Variants in SCN2B observed in about 807,000 individuals in gnomAD.
SCN2B encodes the protein sodium voltage-gated channel beta subunit 2.
In SCN2B, 14 loss-of-function variants were observed where a neutral mutation model predicts 18.2. That is an observed-to-expected ratio of 0.77 (90% CI 0.51 to 1.21). SCN2B has a LOEUF of 1.21. SCN2B is among the 50% of genes most tolerant of loss of function. The probability of loss-of-function intolerance (pLI) is 0.00; values close to 1 mark genes in which losing one functional copy is unlikely to be tolerated. For missense variants in SCN2B, 262 were observed against 286.9 expected, an observed-to-expected ratio of 0.91 and a Z score of 0.63; for synonymous variants, 115 against 115.3, an observed-to-expected ratio of 1.00 and a Z score of 0.02.
At chr11:118,175,162 G>C (rs1269031708) in intron 1 of SCN2B, among the ~76,000 whole-genome samples, 2 of 152,216 alleles carry the variant, frequency 1.3e-5, no homozygotes, top group African/African-American at 2.4e-5. Flanking sequence ...GTTAGCCATC[G>C]TTGAGTTCCT....
At chr11:118,170,761 G>A (rs539560288) in intron 1 of SCN2B, among the ~76,000 whole-genome samples, 2 of 152,154 alleles carry the variant, frequency 1.3e-5, no homozygotes, top group African/African-American at 2.4e-5. Context: ...GGGTTGTTTC[G>A]ATAATGAAAA....
In SCN2B at chr11:118,167,047, C is replaced by A; in HGVS notation, c.488G>T (p.Gly163Val). ...AGCCAGGAAGCCCCCGACGGAGGCA[C>A]CCACAATCACGGCCACCGTGGAGTC... is the stretch of plus-strand genomic sequence containing the variant. ...ERDSTVAVIV[G>V]ASVGGFLAVV... The change falls in exon 4 of 4, where the codon GGT becomes GTT. Residue 163 changes from glycine to valine, a missense_variant. Coordinates refer to ENST00000278947, the MANE Select transcript of SCN2B (RefSeq NM_004588.5). 2 of 1,613,502 alleles carry A rather than the reference C, an allele frequency of 1.2e-6. No homozygotes were observed. Among genetic ancestry groups the A allele is most frequent in the Non-Finnish European group, 1.7e-6 (2 of 1,180,042 alleles).
intron 1 of SCN2B, among the ~76,000 whole-genome samples, chr11:118,171,092 A>C: frequency 6.6e-6 from 1 of 152,150 alleles, no homozygotes; most frequent in East Asian, 1.9e-4. Context: ...GGCAGGACTT[A>C]AGAACCAGAG....
Position 118,168,173 on chromosome 11 carries a change from C to T in SCN2B, c.360G>A (p.Glu120=), listed in dbSNP as rs752036741. The T allele has an allele frequency of 1.2e-6, 2 of 1,614,208 alleles. No homozygotes were observed. The highest frequency in any genetic ancestry group is 1.7e-6 in the Non-Finnish European group (2 of 1,180,026). Residue 120 remains glutamate (E), a synonymous_variant, in exon 3 of 4, where the codon GAG becomes GAA. Transcript: ENST00000278947. The surrounding 1 kb of genome is among the most constrained non-coding windows in gnomAD (Gnocchi z 4.7). Reference sequence around the variant, plus strand: ...TGTAGCAGTTGTAAATCCCCTCATCCTCCGGCTGCACGTTTCTCAGCATCA... The same window carrying T: ...TGTAGCAGTTGTAAATCCCCTCATCTTCCGGCTGCACGTTTCTCAGCATCA... ...VSVMLRNVQP[E]DEGIYNCYIM...
intron 3 of SCN2B, among the ~76,000 whole-genome samples, 159 bp from the exon 4 acceptor site, chr11:118,167,245 C>A (rs772069996): frequency 6.6e-6 from 1 of 152,200 alleles, no homozygotes; most frequent in Non-Finnish European, 1.5e-5. Flanking sequence ...GACCCTGAAG[C>A]GCCGCCACCT....
rs1465467293 is a variant in SCN2B, at chr11:118,165,373, T to G, written c.*1514A>C. On this transcript the variant is annotated 3_prime_UTR_variant, in exon 4 of 4. Coordinates refer to ENST00000278947, the MANE Select transcript of SCN2B (RefSeq NM_004588.5). ...TCCAAGGTCATGGTCTCAGAGTCAG[T>G]GTTTCTGCCTCTTGCTCCTTCTCTC... 2 of 152,544 alleles carry G rather than the reference T, an allele frequency of 1.3e-5. No individual in the cohort carries two copies. The highest frequency in any genetic ancestry group is 4.8e-5 in the African/African-American group (2 of 41,418). The allele number at this position is 152,544 out of a possible 1,614,324, so 9.4% of individuals were successfully genotyped here.
Position 118,168,211 on chromosome 11 carries a change from A to G in SCN2B, c.322T>C (p.Tyr108His). ...TTTCTCAGCATCACCGACACATCGT[A>G]CTTGCTGGGGTTCCCTGAGAACTCC... is the stretch of plus-strand genomic sequence containing the variant. Reference protein sequence around the residue: ...RVEFSGNPSKYDVSVMLRNVQ... With the variant: ...RVEFSGNPSKHDVSVMLRNVQ... The change falls in exon 3 of 4, where the codon TAC (tyrosine) becomes CAC (histidine). Residue 108 changes from tyrosine (Y) to histidine (H), a missense_variant. Transcript: ENST00000278947. This position sits in a 1 kb window ranked among gnomAD's most constrained non-coding sequence, Gnocchi z 4.7. 1.9e-6 allele frequency: 3 copies of G among 1,614,138 alleles called. No homozygotes were observed. Among genetic ancestry groups the G allele is most frequent in the Non-Finnish European group, 2.5e-6 (3 of 1,180,010 alleles).
Position 118,163,527 on chromosome 11 carries a change from G to A in SCN2B, c.*3360C>T, listed in dbSNP as rs1385435532. 4 of 152,620 alleles carry A rather than the reference G, an allele frequency of 2.6e-5. No homozygotes were observed. Among genetic ancestry groups the A allele is most frequent in the Non-Finnish European group, 4.4e-5 (3 of 68,044 alleles). The allele number at this position is 152,620 out of a possible 1,614,324, so 9.5% of individuals were successfully genotyped here. A position where few individuals can be genotyped will look rare whatever the true frequency, so the allele number is the denominator to read the frequency against. ...TAGGGGGCAGATAGCTATTTCCAAAGCCAGTTCCAAGGCACCTCAAAGCAG... is the reference window on the plus strand; with the variant it reads ...TAGGGGGCAGATAGCTATTTCCAAAACCAGTTCCAAGGCACCTCAAAGCAG... On this transcript the variant is annotated 3_prime_UTR_variant, in exon 4 of 4. Coordinates refer to ENST00000278947, the MANE Select transcript of SCN2B (RefSeq NM_004588.5).
intron 3 of SCN2B, 38 bp from the exon 4 acceptor site, chr11:118,167,124 G>C: frequency 6.3e-7 from 1 of 1,594,420 alleles, no homozygotes; most frequent in Non-Finnish European, 8.5e-7. Context: ...CCAGGGCTGG[G>C]AAAGGGGCCT....
rs1565464870 is a variant in SCN2B at position 118,174,104 on chromosome 11, T to TTTTG, written c.70+2257_70+2258insCAAA. On this transcript the variant is annotated intron_variant, in intron 1 of 3. Coordinates refer to ENST00000278947, the MANE Select transcript of SCN2B (RefSeq NM_004588.5). The stretch of plus-strand genomic sequence containing the variant: ...TATTTTTCTTTTCTTTTTTTTTTTT[T>TTTTG]TTTTTTTTTTTTTTTTGTAGAGACA... 1.5e-3 allele frequency among the ~76,000 whole-genome samples: 194 copies of TTTTG among 128,148 alleles called. 1 individual carries two copies. In the East Asian group the frequency reaches 0.029, roughly 19 times the overall value. The allele number at this position is 128,148 out of a possible 152,430, so 84.1% of individuals were successfully genotyped here. A position where few individuals can be genotyped will look rare whatever the true frequency, so the allele number is the denominator to read the frequency against.
rs1948403293 is a variant in SCN2B at position 118,168,362 on chromosome 11, GC to G, written c.238-68del. 1 of 1,443,508 alleles carries G rather than the reference GC, an allele frequency of 6.9e-7. No individual in the cohort carries two copies. Among genetic ancestry groups the G allele is most frequent in the Admixed American group, 1.7e-5 (1 of 59,562 alleles). 89.4% of individuals were successfully genotyped at this position (1,443,508 alleles called of 1,614,324 possible). ...AAGGAACTACAAGGACAGTGAGGAT[GC>G]CCCCTCTTCCCATCCACCCTTTTCC... is the stretch of plus-strand genomic sequence containing the variant. On this transcript the variant is annotated intron_variant, in intron 2 of 3. Transcript: ENST00000278947. The surrounding 1 kb of genome is among the most constrained non-coding windows in gnomAD (Gnocchi z 4.7).
Position 118,168,479 on chromosome 11 carries a change from T to A in SCN2B, c.237+106A>T. On this transcript the variant is annotated intron_variant, in intron 2 of 3. Transcript: ENST00000278947. This position sits in a 1 kb window ranked among gnomAD's most constrained non-coding sequence, Gnocchi z 4.7. ...TCCAGAGCACGCAGCCCACCCAGGG[T>A]CCTCTGGGGCCCTAGCGCAGTGCCG... is the stretch of plus-strand genomic sequence containing the variant. 1 of 1,483,254 alleles carries A rather than the reference T, an allele frequency of 6.7e-7. No individual in the cohort carries two copies. The highest frequency in any genetic ancestry group is 9.4e-7 in the Non-Finnish European group (1 of 1,062,748). 91.9% of individuals were successfully genotyped at this position (1,483,254 alleles called of 1,614,324 possible). A position where few individuals can be genotyped will look rare whatever the true frequency, so the allele number is the denominator to read the frequency against.
At chr11:118,170,599 G>C (rs189635156) in intron 1 of SCN2B, among the ~76,000 whole-genome samples, 115 of 152,222 alleles carry the variant, frequency 7.6e-4, no homozygotes, top group Admixed American at 1.6e-3. Context: ...CTGCTGGGAG[G>C]CTGTCCAGAT....
chr11:118,174,896 C>T (rs2134622470), intron 1 of SCN2B, among the ~76,000 whole-genome samples: 1 of 152,310 alleles, frequency 6.6e-6, no homozygotes, highest in African/African-American at 2.4e-5. Flanking sequence ...CCCAACTCCC[C>T]TTCTTTCAGC....
chr11:118,172,892 GTTTTT>G (rs11358502), intron 1 of SCN2B, among the ~76,000 whole-genome samples: 5 of 144,036 alleles, frequency 3.5e-5, no homozygotes, highest in South Asian at 2.3e-4. Context: ...TTTCTTCTTG[GTTTTT>G]TTTTTTTTTT....
chr11:118,176,299 A>C, intron 1 of SCN2B, 63 bp downstream of exon 1: 1 of 1,415,430 alleles, frequency 7.1e-7, no homozygotes, highest in Non-Finnish European at 1.0e-6. Context: ...CCCTGCCCCC[A>C]TCCTCTTCAC....
chr11:118,166,259 C>T lies in SCN2B; in HGVS notation c.*628G>A, dbSNP rs1307728966. 1 of 160,168 alleles carries T rather than the reference C, an allele frequency of 6.2e-6. No individual in the cohort carries two copies. The highest frequency in any genetic ancestry group is 2.4e-5 in the African/African-American group (1 of 41,530). 9.9% of individuals were successfully genotyped at this position (160,168 alleles called of 1,614,324 possible). On this transcript the variant is annotated 3_prime_UTR_variant, in exon 4 of 4. Coordinates refer to ENST00000278947, the MANE Select transcript of SCN2B (RefSeq NM_004588.5). ...CCAAGGAGGCCACTAGCAATGGAAA[C>T]GAGGGCCCAACATGGCCTCCTGGGC...
At position 118,163,438 on chromosome 11, in the gene SCN2B, G is replaced by A. The variant is rs1948349495; in HGVS notation, c.*3449C>T. The A allele has an allele frequency of 6.5e-6, 1 of 152,680 alleles. No individual in the cohort carries two copies. Among genetic ancestry groups the A allele is most frequent in the African/African-American group, 2.4e-5 (1 of 41,454 alleles). 9.5% of individuals were successfully genotyped at this position (152,680 alleles called of 1,614,324 possible). A position where few individuals can be genotyped will look rare whatever the true frequency, so the allele number is the denominator to read the frequency against. On this transcript the variant is annotated 3_prime_UTR_variant, in exon 4 of 4. Coordinates refer to ENST00000278947, the MANE Select transcript of SCN2B (RefSeq NM_004588.5). ...ACCTCCCCAAGGAGACTCGCAGAGA[G>A]AAACATGGATCCGATCAGCTTTTCC...
At position 118,166,431 on chromosome 11, in the gene SCN2B, G is replaced by T; in HGVS notation, c.*456C>A. ...GCTGCTCTGGGCTGGGAGCAGGGGA[G>T]GAGCACAGCCGTGCCAGGCCAAGGC... On this transcript the variant is annotated 3_prime_UTR_variant, in exon 4 of 4. Transcript: ENST00000278947. The T allele has an allele frequency of 4.2e-6, 1 of 239,848 alleles. No homozygotes were observed. The highest frequency in any genetic ancestry group is 8.3e-6 in the Non-Finnish European group (1 of 119,906). 14.9% of individuals were successfully genotyped at this position (239,848 alleles called of 1,614,324 possible).
Sources: gnomAD v4.1 joint callset for allele counts (sites outside exome capture counted in the v4.1 genomes callset) on GRCh38, gnomAD v4.1.1 for gene constraint, Gnocchi (gnomAD v3.1) non-coding constraint, MANE v1.5 for transcripts, NCBI Gene and HGNC (gene_info 2026-07-23, HGNC 2026-07-21) for gene names.